The following SIPA1L2 variants were observed in gnomAD, a reference collection of about 807,000 sequenced individuals.
The protein encoded by SIPA1L2 is signal-induced proliferation-associated 1-like protein 2.
A neutral mutation model predicts 163.9 loss-of-function variants in SIPA1L2; 56 were observed. The observed-to-expected ratio is 0.34, with a 90% CI of 0.28 to 0.43. The LOEUF (loss-of-function observed/expected upper bound fraction) is 0.43. Among genes scored for constraint, SIPA1L2 ranks in the 20% least tolerant of loss-of-function variants. The pLI, the probability that SIPA1L2 is intolerant of heterozygous loss-of-function variation, is 1.00. For synonymous variants in SIPA1L2, 877 were observed against 865.7 expected, an observed-to-expected ratio of 1.01 and a Z score of -0.23; for missense variants, 1,974 against 2,193.5, an observed-to-expected ratio of 0.90 and a Z score of 2.00.
chr1:232,513,749 G>A, intron 3 of SIPA1L2, 108 bp downstream of exon 3: 1 of 1,177,796 alleles, frequency 8.5e-7, no homozygotes, highest in Non-Finnish European at 1.2e-6. Flanking sequence ...AGTGGACTAT[G>A]GCCTTGGACA....
chr1:232,604,982 A>G (rs1039003773), intron 1 of SIPA1L2, among the ~76,000 whole-genome samples: 1 of 152,114 alleles, frequency 6.6e-6, no homozygotes, highest in African/African-American at 2.4e-5. Flanking sequence ...TTCCTTATAA[A>G]TTACCCAGTC....
intron 2 of SIPA1L2, among the ~76,000 whole-genome samples, chr1:232,527,777 G>A (rs1273674655): frequency 7.8e-6 from 1 of 128,868 alleles, no homozygotes; most frequent in Non-Finnish European, 1.6e-5. Flanking sequence ...TGTTGCCCAG[G>A]TGGGGGTGCA....
chr1:232,630,351 C>T (rs1663327724), upstream of SIPA1L2, among the ~76,000 whole-genome samples: 1 of 152,034 alleles, frequency 6.6e-6, no homozygotes, highest in Non-Finnish European at 1.5e-5. Context: ...CAGGAGGGGC[C>T]CGGACGCCCT....
At chr1:232,504,918 C>T (rs527387922) in intron 3 of SIPA1L2, among the ~76,000 whole-genome samples, 3 of 152,092 alleles carry the variant, frequency 2.0e-5, no homozygotes, top group East Asian at 3.8e-4. Context: ...TGTTCTCTCA[C>T]GGAAAGCAGC....
At chr1:232,547,741 A>G (rs1385632909) in intron 2 of SIPA1L2, among the ~76,000 whole-genome samples, 1 of 152,182 alleles carries the variant, frequency 6.6e-6, no homozygotes, top group Non-Finnish European at 1.5e-5. Context: ...AAAAATTCCT[A>G]TTGATAAGTG....
chr1:232,524,725 T>G (rs143153933), intron 2 of SIPA1L2, among the ~76,000 whole-genome samples: 1 of 152,222 alleles, frequency 6.6e-6, no homozygotes, highest in Admixed American at 6.5e-5. Flanking sequence ...TAATATTATG[T>G]GTAAACAGCC....
At position 232,501,097 on chromosome 1, in the gene SIPA1L2, G is replaced by T. The variant is rs1038519067; in HGVS notation, c.1484-7437C>A. Among the ~76,000 whole-genome samples, 8 of 117,090 alleles carry T rather than the reference G, an allele frequency of 6.8e-5. No homozygotes were observed. The Admixed American group carries it at 8.6e-4, about 13-fold the overall frequency. The allele number at this position is 117,090 out of a possible 152,430, so 76.8% of individuals were successfully genotyped here. A position where few individuals can be genotyped will look rare whatever the true frequency, so the allele number is the denominator to read the frequency against. ...TTGTGAGACAGAGTCTCGCTCTGTC[G>T]CCCGGGCTGGAGTGCAGTGGCGCAA... On this transcript the variant is annotated intron_variant, in intron 3 of 22. Transcript: ENST00000674635.
At chr1:232,561,050 C>T (rs1659005894) in intron 2 of SIPA1L2, among the ~76,000 whole-genome samples, 1 of 152,154 alleles carries the variant, frequency 6.6e-6, no homozygotes, top group Admixed American at 6.5e-5. Flanking sequence ...CATTTGCTCA[C>T]GTGCATAAAA....
At chr1:232,435,256 G>GTATTTTTCCA (rs1310798028) in intron 15 of SIPA1L2, among the ~76,000 whole-genome samples, 1 of 152,106 alleles carries the variant, frequency 6.6e-6, no homozygotes, top group Non-Finnish European at 1.5e-5. Flanking sequence ...CAAACTCTAT[G>GTATTTTTCCA]TATTTTTCCA....
intron 1 of SIPA1L2, among the ~76,000 whole-genome samples, chr1:232,603,852 G>A (rs1214280862): frequency 6.6e-6 from 1 of 152,060 alleles, no homozygotes; most frequent in Non-Finnish European, 1.5e-5. Flanking sequence ...GGCCCCAATA[G>A]AAACTATCAG....
intron 2 of SIPA1L2, among the ~76,000 whole-genome samples, chr1:232,546,270 T>G (rs1311242274): frequency 1.3e-5 from 2 of 152,148 alleles, no homozygotes; most frequent in Non-Finnish European, 2.9e-5. Context: ...AGATAAAGGA[T>G]TTTTCTACTA....
chr1:232,483,245 T>A (rs893740642), intron 6 of SIPA1L2, among the ~76,000 whole-genome samples: 1 of 143,274 alleles, frequency 7.0e-6, no homozygotes, highest in African/African-American at 2.6e-5. Flanking sequence ...ATAAGATGCA[T>A]CAGCTTTTTT....
chr1:232,525,300 A>G (rs1667647084), intron 2 of SIPA1L2, among the ~76,000 whole-genome samples: 1 of 147,204 alleles, frequency 6.8e-6, no homozygotes, highest in African/African-American at 2.5e-5. Context: ...CAGTGGCGCA[A>G]TCTTGGCTCA....
chr1:232,414,348 C>T (rs776083805), intron 19 of SIPA1L2, among the ~76,000 whole-genome samples: 19 of 152,268 alleles, frequency 1.2e-4, no homozygotes, highest in African/African-American at 1.9e-4. Flanking sequence ...AAGCCACCAT[C>T]GGGCCTCCCT....
intron 5 of SIPA1L2, 64 bp downstream of exon 5, chr1:232,490,810 C>T: frequency 1.3e-6 from 2 of 1,496,236 alleles, no homozygotes; most frequent in Non-Finnish European, 1.8e-6. Context: ...GATGGGAAAA[C>T]TCCAAAACTT....
At chr1:232,454,960 C>A (rs539939380) in intron 10 of SIPA1L2, among the ~76,000 whole-genome samples, 1 of 152,198 alleles carries the variant, frequency 6.6e-6, no homozygotes. Flanking sequence ...CTGTCCCATC[C>A]GTTTTAACAG....
chr1:232,439,165 G>A lies in SIPA1L2; in HGVS notation c.3974C>T (p.Ala1325Val). The A allele has an allele frequency of 3.7e-6, 6 of 1,613,354 alleles. No homozygotes were observed. The highest frequency in any genetic ancestry group is 5.1e-6 in the Non-Finnish European group (6 of 1,179,862). The change falls in exon 15 of 23, where the codon GCC (alanine) becomes GTC (valine). Residue 1325 changes from alanine (A) to valine (V), a missense_variant. Physicochemically the swap from Ala to Val is moderately conservative, Grantham distance 64. This residue lies in a region of SIPA1L2 where 1,079 missense variants were observed against 1,150.7 expected (regional missense o/e 0.94). Coordinates refer to ENST00000674635, the MANE Select transcript of SIPA1L2 (RefSeq NM_020808.5). ...CATGCTGCCTTCCGCAGCACTGCCG[G>A]CGGAGATGGTGGACGCGTAGCCATG... ...SVHGYASTIS[A>V]GSAAEGSMGD...
rs115431662 is a variant in SIPA1L2, at chr1:232,519,349, G to A, written c.-269-3741C>T. 8.3e-4 allele frequency among the ~76,000 whole-genome samples: 126 copies of A among 152,316 alleles called. 1 individual carries two copies. The highest frequency in any genetic ancestry group is 2.3e-3 in the African/African-American group (97 of 41,558). ...TCTGTCCTCTTGTGAGCGTGGCTAC[G>A]CGGCTGTGTGCAGAGCTCCATTTTC... On this transcript the variant is annotated intron_variant, in intron 2 of 22. Transcript: ENST00000674635.
intron 2 of SIPA1L2, among the ~76,000 whole-genome samples, chr1:232,520,450 G>A (rs969464115): frequency 2.6e-5 from 4 of 152,174 alleles, no homozygotes; most frequent in African/African-American, 7.2e-5. Context: ...GAAATGGAGA[G>A]CATTTGATAT....
Sources: allele counts gnomAD v4.1 joint callset (sites outside exome capture counted in the v4.1 genomes callset), GRCh38; gene constraint gnomAD v4.1.1; regional missense constraint gnomAD v4.1.1; transcripts MANE v1.5; gene names NCBI Gene and HGNC (gene_info 2026-07-23, HGNC 2026-07-21).